PKN2: variants seen among roughly 807,000 people sequenced by gnomAD.
PKN2 encodes the protein serine/threonine-protein kinase N2.
A neutral mutation model predicts 119.1 loss-of-function variants in PKN2; 38 were observed. That is an observed-to-expected ratio of 0.32 (90% confidence interval 0.25 to 0.42). The LOEUF is 0.42. PKN2 is among the 10% of genes least tolerant of loss of function. The pLI is 1.00. For synonymous variants in PKN2, 390 were observed against 384.9 expected, an observed-to-expected ratio of 1.01 and a Z score of -0.15; for missense variants, 850 against 1,165.1, an observed-to-expected ratio of 0.73 and a Z score of 3.94.
At chr1:88,791,070 C>T (rs562609331) in intron 8 of PKN2, among the ~76,000 whole-genome samples, 1 of 152,214 alleles carries the variant, frequency 6.6e-6, no homozygotes, top group South Asian at 2.1e-4. Flanking sequence ...GTCTGCTTAT[C>T]ATATTGTATA....
chr1:88,760,413 CATTATTTGCAG>C (rs749236407), intron 3 of PKN2, 37 bp downstream of exon 3: 2 of 1,153,424 alleles, frequency 1.7e-6, no homozygotes, highest in Non-Finnish European at 2.5e-6. Flanking sequence ...TATAGTCAGT[CATTATTTGCAG>C]ATTCCATAGT....
rs970612260 is a variant in PKN2, at chr1:88,715,016, A to G, written c.49-25972A>G. Reference sequence around the variant, plus strand: ...GAATTTTGTCAAAGGCCTTTTCTGCATCTATTGAGATAATCATGTGGCTTT... The same window carrying G: ...GAATTTTGTCAAAGGCCTTTTCTGCGTCTATTGAGATAATCATGTGGCTTT... On this transcript the variant is annotated intron_variant, in intron 1 of 21. Transcript: ENST00000370521. Among the ~76,000 whole-genome samples, 12 of 152,296 alleles carry G rather than the reference A, an allele frequency of 7.9e-5. No homozygotes were observed. In the East Asian group the frequency reaches 2.3e-3, roughly 29 times the overall value.
At chr1:88,787,349 T>C (rs573266695) in intron 8 of PKN2, among the ~76,000 whole-genome samples, 41 of 152,292 alleles carry the variant, frequency 2.7e-4, no homozygotes, top group African/African-American at 9.6e-4. Context: ...AGGAGATTTT[T>C]CTTATAACAA....
chr1:88,806,257 C>G (rs556877539), intron 12 of PKN2: 1 of 428,082 alleles, frequency 2.3e-6, no homozygotes, highest in African/African-American at 2.0e-5. Context: ...CGGATTCAAG[C>G]GATTCTCCTG....
intron 8 of PKN2, among the ~76,000 whole-genome samples, chr1:88,797,207 G>A (rs113844008): frequency 0.046 from 6,925 of 151,824 alleles, 314 homozygotes; most frequent in African/African-American, 0.11. Context: ...GGTGGCAAGC[G>A]CCTGTAATCC....
intron 6 of PKN2, among the ~76,000 whole-genome samples, chr1:88,779,037 T>TA (rs1670220690): frequency 6.6e-6 from 1 of 152,192 alleles, no homozygotes; most frequent in South Asian, 2.1e-4. Context: ...ATTTTCTAGT[T>TA]ACGTGAAATA....
At chr1:88,801,700 G>A (rs777796907) in intron 8 of PKN2, among the ~76,000 whole-genome samples, 33 of 152,316 alleles carry the variant, frequency 2.2e-4, no homozygotes, top group Middle Eastern at 3.4e-3. Flanking sequence ...AATCGGTGCC[G>A]TGAAGAAAAG....
chr1:88,784,508 T>C lies in PKN2; in HGVS notation c.986-131T>C, dbSNP rs904123072. 77 of 452,674 alleles carry C rather than the reference T, an allele frequency of 1.7e-4. 1 individual carries two copies. The highest frequency in any genetic ancestry group is 2.4e-4 in the Non-Finnish European group (63 of 261,958). The allele number at this position is 452,674 out of a possible 1,614,324, so 28.0% of individuals were successfully genotyped here. On this transcript the variant is annotated intron_variant, in intron 6 of 21. Coordinates refer to ENST00000370521, the MANE Select transcript of PKN2 (RefSeq NM_006256.4). ...AATAGGAAAGATGATAGCTACCTCA[T>C]AGATCCTCTGGGAGAAGAGTTTTTG... is the stretch of plus-strand genomic sequence containing the variant.
rs541198537 is a variant in PKN2, at chr1:88,765,206, G to A, written c.504+4830G>A. 5.9e-5 allele frequency among the ~76,000 whole-genome samples: 9 copies of A among 151,738 alleles called. No individual in the cohort carries two copies. The South Asian group carries it at 6.3e-4, about 11-fold the overall frequency. ...GCCCTCCCAAAGTGCTAGGATTACA[G>A]GCGTGAGCTACCGTGCCCAGCCTTG... On this transcript the variant is annotated intron_variant, in intron 3 of 21. Coordinates refer to ENST00000370521, the MANE Select transcript of PKN2 (RefSeq NM_006256.4).
At chr1:88,784,132 CTTT>C (rs397862410) in intron 6 of PKN2, among the ~76,000 whole-genome samples, 16,287 of 102,922 alleles carry the variant, frequency 0.16, 979 homozygotes, top group South Asian at 0.29. Flanking sequence ...GATGCTGTTC[CTTT>C]TTTTTTTTTT....
At chr1:88,705,682 A>G (rs1666966897) in intron 1 of PKN2, among the ~76,000 whole-genome samples, 1 of 152,140 alleles carries the variant, frequency 6.6e-6, no homozygotes, top group Non-Finnish European at 1.5e-5. Context: ...TGGGTGACAG[A>G]GTGAGACTCG....
At chr1:88,785,346 A>T (rs1670528762) in intron 7 of PKN2, among the ~76,000 whole-genome samples, 1 of 151,942 alleles carries the variant, frequency 6.6e-6, no homozygotes, top group Non-Finnish European at 1.5e-5. Context: ...ATGGTCTCGA[A>T]CTCAGGGGCT....
intron 8 of PKN2, among the ~76,000 whole-genome samples, chr1:88,792,929 C>T (rs1304696439): frequency 6.6e-6 from 1 of 152,026 alleles, no homozygotes; most frequent in Non-Finnish European, 1.5e-5. Context: ...CATTAAATAC[C>T]ATGAAAAATA....
At chr1:88,751,871 A>T (rs1163891762) in intron 2 of PKN2, among the ~76,000 whole-genome samples, 4 of 150,906 alleles carry the variant, frequency 2.7e-5, no homozygotes, top group Non-Finnish European at 5.9e-5. Context: ...AGCACTTAGA[A>T]ACTGTTATTT....
At chr1:88,725,085 G>A (rs1667847318) in intron 1 of PKN2, among the ~76,000 whole-genome samples, 1 of 151,902 alleles carries the variant, frequency 6.6e-6, no homozygotes, top group Admixed American at 6.6e-5. Context: ...GTAGCATGCT[G>A]TTTTGTGAAT....
intron 1 of PKN2, among the ~76,000 whole-genome samples, chr1:88,737,152 C>T (rs1249327769): frequency 6.6e-6 from 1 of 152,200 alleles, no homozygotes; most frequent in Non-Finnish European, 1.5e-5. Context: ...AAAACCATAG[C>T]TGCCAAGACA....
intron 6 of PKN2, among the ~76,000 whole-genome samples, chr1:88,783,030 A>G (rs1166718097): frequency 2.6e-5 from 4 of 152,204 alleles, no homozygotes; most frequent in African/African-American, 9.6e-5. Context: ...CTGCTGGGGC[A>G]AGACTCTTCT....
At chr1:88,716,251 G>A (rs1667446905) in intron 1 of PKN2, among the ~76,000 whole-genome samples, 1 of 152,170 alleles carries the variant, frequency 6.6e-6, no homozygotes, top group African/African-American at 2.4e-5. Context: ...ATGTGGTGCT[G>A]AGAAGAATGT....
At chr1:88,689,499 A>C (rs1033506608) in intron 1 of PKN2, among the ~76,000 whole-genome samples, 1 of 152,170 alleles carries the variant, frequency 6.6e-6, no homozygotes, top group Non-Finnish European at 1.5e-5. Context: ...TTCAATTATG[A>C]GTCACGGCTT....
Sources: gnomAD v4.1 joint callset for allele counts (sites outside exome capture counted in the v4.1 genomes callset) on GRCh38, gnomAD v4.1.1 for gene constraint, MANE v1.5 for transcripts, NCBI Gene and HGNC (gene_info 2026-07-23, HGNC 2026-07-21) for gene names.